Variants in ZFPM2 observed in about 807,000 individuals in gnomAD.
ZFPM2 encodes zinc finger protein ZFPM2.
Under a neutral mutation model 98.6 loss-of-function variants are expected in ZFPM2, and 20 were observed. The ratio of observed to expected loss-of-function variants is 0.20; its 90% CI spans 0.14 to 0.29. ZFPM2 has a LOEUF of 0.29. ZFPM2 is among the 10% of genes least tolerant of loss of function. The pLI is 1.00. For missense variants in ZFPM2, 1,310 were observed against 1,388.6 expected (o/e 0.94, Z 0.90); for synonymous variants, 518 against 502.7 (o/e 1.03, Z -0.41).
intron 1 of ZFPM2, chr8:105,387,974 T>C (rs145132882): frequency 6.6e-6 from 1 of 152,258 alleles, no homozygotes; most frequent in South Asian, 2.1e-4. Flanking sequence ...CAGTAAGAAA[T>C]TCCCATAAAA....
chr8:105,475,677 T>C (rs115289077), intron 3 of ZFPM2, among the ~76,000 whole-genome samples: 2,973 of 152,264 alleles, frequency 0.02, 97 homozygotes, highest in African/African-American at 0.068. Context: ...TCTCTGGAAG[T>C]CTTTAGGGAA....
intron 5 of ZFPM2, among the ~76,000 whole-genome samples, chr8:105,646,177 G>A (rs1817042365): frequency 6.6e-6 from 1 of 152,036 alleles, no homozygotes; most frequent in Admixed American, 6.6e-5. Flanking sequence ...CCAAGGGTGG[G>A]GTTTTCGGTT....
At position 105,547,568 on chromosome 8, in the gene ZFPM2, A is replaced by AT. The variant is rs1461461024; in HGVS notation, c.302-13795_302-13794insT. Among the ~76,000 whole-genome samples, 1,304 of 144,150 alleles carry AT rather than the reference A, an allele frequency of 9.0e-3. 31 individuals carry two copies. Among genetic ancestry groups the AT allele is most frequent in the African/African-American group, 0.03 (1,155 of 38,924 alleles). 94.6% of individuals were successfully genotyped at this position (144,150 alleles called of 152,430 possible). On this transcript the variant is annotated intron_variant, in intron 3 of 7. Coordinates refer to ENST00000407775, the MANE Select transcript of ZFPM2 (RefSeq NM_012082.4). Reference sequence around the variant, plus strand: ...AAAAAAAAAAAAAAAAAAAAAAAAAAAGAAATCAGAGTGTGTTTAAAGAAA... The same window carrying AT: ...AAAAAAAAAAAAAAAAAAAAAAAAAATAGAAATCAGAGTGTGTTTAAAGAAA...
At chr8:105,565,315 A>G (rs1037399709) in intron 4 of ZFPM2, among the ~76,000 whole-genome samples, 1 of 152,198 alleles carries the variant, frequency 6.6e-6, no homozygotes, top group Non-Finnish European at 1.5e-5. Context: ...AACACACTGA[A>G]CATAGAAATA....
chr8:105,514,891 C>A (rs1278334490), intron 3 of ZFPM2, among the ~76,000 whole-genome samples: 1 of 152,174 alleles, frequency 6.6e-6, no homozygotes, highest in Non-Finnish European at 1.5e-5. Context: ...ATAGTAGGCT[C>A]TTAATCAGTA....
intron 5 of ZFPM2, among the ~76,000 whole-genome samples, chr8:105,638,362 C>T (rs1207552755): frequency 6.6e-6 from 1 of 152,060 alleles, no homozygotes; most frequent in African/African-American, 2.4e-5. Flanking sequence ...TATGCTGCCA[C>T]AAAAGAGTGG....
intron 2 of ZFPM2, among the ~76,000 whole-genome samples, chr8:105,432,023 T>C (rs548789157): frequency 6.6e-6 from 1 of 151,934 alleles, no homozygotes; most frequent in Admixed American, 6.6e-5. Context: ...GGGAACAGCA[T>C]TTGAGCGACA....
intron 5 of ZFPM2, among the ~76,000 whole-genome samples, chr8:105,660,458 C>T (rs998970492): frequency 3.3e-5 from 5 of 152,012 alleles, no homozygotes; most frequent in African/African-American, 7.3e-5. Context: ...GAATCCCTGC[C>T]CCACCAATGG....
At position 105,318,931 on chromosome 8, in the gene ZFPM2, C is replaced by A; in HGVS notation, c.-11C>A. The A allele has an allele frequency of 7.0e-7, 1 of 1,425,768 alleles. No individual in the cohort carries two copies. Among genetic ancestry groups the A allele is most frequent in the Non-Finnish European group, 9.3e-7 (1 of 1,075,890 alleles). The allele number at this position is 1,425,768 out of a possible 1,614,324, so 88.3% of individuals were successfully genotyped here. A position where few individuals can be genotyped will look rare whatever the true frequency, so the allele number is the denominator to read the frequency against. On this transcript the variant is annotated 5_prime_UTR_variant, in exon 1 of 8. Transcript: ENST00000407775. Reference sequence around the variant, plus strand: ...ACCGCGGGAGCCCCAGCGGCAGCAGCCGCCGCCGAGATGTCCCGGCGAAAG... The same window carrying A: ...ACCGCGGGAGCCCCAGCGGCAGCAGACGCCGCCGAGATGTCCCGGCGAAAG...
chr8:105,372,034 TA>T (rs1453875435), intron 1 of ZFPM2, among the ~76,000 whole-genome samples: 1 of 71,630 alleles, frequency 1.4e-5, no homozygotes, highest in African/African-American at 4.1e-5. Flanking sequence ...TTATTATTAT[TA>T]TTATTATTAT....
At chr8:105,504,692 G>A (rs904234044) in intron 3 of ZFPM2, among the ~76,000 whole-genome samples, 4 of 152,128 alleles carry the variant, frequency 2.6e-5, no homozygotes, top group Non-Finnish European at 4.4e-5. Context: ...GATTTAGCAC[G>A]TTAACTTGTA....
intron 5 of ZFPM2, among the ~76,000 whole-genome samples, chr8:105,768,315 A>G (rs150801878): frequency 6.6e-6 from 1 of 152,136 alleles, no homozygotes; most frequent in East Asian, 1.9e-4. Context: ...TTAAAAGCAA[A>G]ATAGATTTTC....
At chr8:105,664,321 TTGTGTGTGTGTGTG>T (rs148523592) in intron 5 of ZFPM2, among the ~76,000 whole-genome samples, 20 of 144,624 alleles carry the variant, frequency 1.4e-4, no homozygotes, top group East Asian at 1.0e-3. Flanking sequence ...CATAAAATTC[TTGTGTGTGTGTGTG>T]TGTGTGTGTG....
chr8:105,623,621 A>G (rs1166537507), intron 4 of ZFPM2, among the ~76,000 whole-genome samples: 2 of 152,214 alleles, frequency 1.3e-5, no homozygotes, highest in East Asian at 3.9e-4. Flanking sequence ...CAGTGGATTC[A>G]TTCATGAAAG....
At position 105,753,211 on chromosome 8, in the gene ZFPM2, A is replaced by G. The variant is rs1812516836; in HGVS notation, c.533-35507A>G. Among the ~76,000 whole-genome samples the G allele has an allele frequency of 2.0e-5, 3 of 152,130 alleles. 1 individual carries two copies. In the South Asian group the frequency reaches 6.2e-4, roughly 31 times the overall value. On this transcript the variant is annotated intron_variant, in intron 5 of 7. Transcript: ENST00000407775. The stretch of plus-strand genomic sequence containing the variant: ...TTTTGTTACATAATGATATGCTGGG[A>G]ATTTATATCCTAGGTTCCAGAGATC...
At chr8:105,440,396 A>G (rs1167011548) in intron 2 of ZFPM2, among the ~76,000 whole-genome samples, 1 of 152,142 alleles carries the variant, frequency 6.6e-6, no homozygotes, top group East Asian at 1.9e-4. Flanking sequence ...CAGTTATTAA[A>G]AAGTGAGTCA....
chr8:105,597,975 T>A (rs1030247755), intron 4 of ZFPM2, among the ~76,000 whole-genome samples: 6 of 152,088 alleles, frequency 3.9e-5, no homozygotes, highest in Non-Finnish European at 8.8e-5. Flanking sequence ...TTATTTCAGT[T>A]CTTTCCAATC....
chr8:105,500,255 G>C (rs1029229809), intron 3 of ZFPM2, among the ~76,000 whole-genome samples: 1 of 151,906 alleles, frequency 6.6e-6, no homozygotes, highest in African/African-American at 2.4e-5. Context: ...CTAAATATCG[G>C]CATGAATAGA....
chr8:105,433,315 AT>A (rs1812055941), intron 2 of ZFPM2, among the ~76,000 whole-genome samples: 1 of 152,220 alleles, frequency 6.6e-6, no homozygotes, highest in Non-Finnish European at 1.5e-5. Flanking sequence ...GATAATATTG[AT>A]AGCAGGGATA....
Sources: gnomAD v4.1 joint callset for allele counts (sites outside exome capture counted in the v4.1 genomes callset) on GRCh38, gnomAD v4.1.1 for gene constraint, MANE v1.5 for transcripts, NCBI Gene and HGNC (gene_info 2026-07-23, HGNC 2026-07-21) for gene names.